Variants in WDFY4 observed in about 807,000 individuals in gnomAD.
WDFY4 encodes the protein WD repeat- and FYVE domain-containing protein 4.
In WDFY4, 169 loss-of-function variants were observed where a neutral mutation model predicts 351.9. That is an observed-to-expected ratio of 0.48 (90% CI 0.42 to 0.55). WDFY4 has a LOEUF of 0.55. Among genes scored for constraint, WDFY4 ranks in the 20% least tolerant of loss-of-function variants. The pLI is 0.00. For missense variants in WDFY4, 3,803 were observed against 3,935.6 expected (o/e 0.97, Z 0.90); for synonymous variants, 1,622 against 1,574.6 (o/e 1.03, Z -0.71).
At chr10:48,715,858 C>T (rs1403352285) in intron 2 of WDFY4, among the ~76,000 whole-genome samples, 2 of 150,168 alleles carry the variant, frequency 1.3e-5, no homozygotes, top group Non-Finnish European at 1.5e-5. Context: ...ACCATGTTAG[C>T]CAGGATGGTC....
intron 4 of WDFY4, among the ~76,000 whole-genome samples, chr10:48,722,700 A>G (rs1010039214): frequency 6.6e-6 from 1 of 152,116 alleles, no homozygotes; most frequent in Non-Finnish European, 1.5e-5. Flanking sequence ...TGCATCATGC[A>G]CACACACACA....
At chr10:48,919,572 A>C (rs1038264262) in intron 47 of WDFY4, among the ~76,000 whole-genome samples, 1 of 152,212 alleles carries the variant, frequency 6.6e-6, no homozygotes, top group Non-Finnish European at 1.5e-5. Flanking sequence ...AGTCCAAATC[A>C]AGTCACTGGC....
intron 33 of WDFY4, 78 bp downstream of exon 33, chr10:48,820,515 C>A: frequency 6.8e-7 from 1 of 1,464,168 alleles, no homozygotes; most frequent in Non-Finnish European, 9.2e-7. Flanking sequence ...CAGGATGCAC[C>A]CAGGGAGACA....
intron 51 of WDFY4, among the ~76,000 whole-genome samples, chr10:48,955,804 G>A (rs1841561029): frequency 6.6e-6 from 1 of 152,200 alleles, no homozygotes; most frequent in African/African-American, 2.4e-5. Flanking sequence ...TAAATGCAGA[G>A]GGAGACCCTC....
intron 13 of WDFY4, among the ~76,000 whole-genome samples, chr10:48,764,418 A>C (rs1274992266): frequency 6.6e-6 from 1 of 152,250 alleles, no homozygotes; most frequent in Non-Finnish European, 1.5e-5. Context: ...AGTCCAGCTC[A>C]GTTCTTTTGG....
intron 35 of WDFY4, chr10:48,824,081 C>G (rs1030929482): frequency 1.0e-6 from 1 of 985,342 alleles, no homozygotes; most frequent in African/African-American, 1.7e-5. Context: ...GATGTATGGA[C>G]CAGTCCATGC....
intron 39 of WDFY4, among the ~76,000 whole-genome samples, chr10:48,853,688 G>A (rs114258248): frequency 6.6e-6 from 1 of 152,206 alleles, no homozygotes; most frequent in African/African-American, 2.4e-5. Context: ...GCTTCTGTTG[G>A]AAAGCTCTCA....
chr10:48,686,774 G>A (rs1441633934), intron 1 of WDFY4, among the ~76,000 whole-genome samples: 1 of 152,086 alleles, frequency 6.6e-6, no homozygotes, highest in Non-Finnish European at 1.5e-5. Flanking sequence ...GGCATTTTAG[G>A]TATTTCAAGA....
chr10:48,836,707 C>G (rs917468378), intron 39 of WDFY4, among the ~76,000 whole-genome samples: 1 of 152,220 alleles, frequency 6.6e-6, no homozygotes. Context: ...CCATCACAGT[C>G]CCCTGTGGGA....
At chr10:48,892,729 GAGTC>G (rs1836876884) in intron 44 of WDFY4, among the ~76,000 whole-genome samples, 1 of 152,214 alleles carries the variant, frequency 6.6e-6, no homozygotes, top group Non-Finnish European at 1.5e-5. Context: ...CTATGGAATT[GAGTC>G]AGTTGCACAT....
At chr10:48,848,134 G>A (rs951818469) in intron 39 of WDFY4, among the ~76,000 whole-genome samples, 3 of 152,080 alleles carry the variant, frequency 2.0e-5, no homozygotes, top group Non-Finnish European at 4.4e-5. Context: ...CCTGAGCCCC[G>A]ACCATAGCTT....
At chr10:48,971,613 T>C (rs538157241) in intron 57 of WDFY4, among the ~76,000 whole-genome samples, 1 of 152,248 alleles carries the variant, frequency 6.6e-6, no homozygotes, top group South Asian at 2.1e-4. Context: ...TCTCTGGGGT[T>C]CTCTGGATAA....
chr10:48,947,464 C>A (rs149726039), intron 51 of WDFY4, among the ~76,000 whole-genome samples: 3 of 152,200 alleles, frequency 2.0e-5, no homozygotes, highest in Non-Finnish European at 4.4e-5. Flanking sequence ...TACCAGCTTA[C>A]GGTCGCCAGG....
intron 43 of WDFY4, chr10:48,884,216 CAG>C (rs926695677): frequency 1.3e-5 from 2 of 152,116 alleles, no homozygotes; most frequent in African/African-American, 4.8e-5. Flanking sequence ...CTCTGGATTG[CAG>C]AGAGTGGCAT....
rs776413146 is a variant in WDFY4, at chr10:48,875,164, CT to C, written c.7000+27del. 4 of 1,313,886 alleles carry C rather than the reference CT, an allele frequency of 3.0e-6. No homozygotes were observed. The South Asian group carries it at 7.8e-5, about 26-fold the overall frequency. 81.4% of individuals were successfully genotyped at this position (1,313,886 alleles called of 1,614,324 possible). ...AGGTATTCAGTTTATCTATTTTTTC[CT>C]TTAATAGTTAAGCTAATTATTGGTT... On this transcript the variant is annotated intron_variant, in intron 42 of 61. Coordinates refer to ENST00000325239, the MANE Select transcript of WDFY4 (RefSeq NM_001394531.1).
chr10:48,929,236 G>A (rs1460224200), intron 47 of WDFY4, among the ~76,000 whole-genome samples: 1 of 151,608 alleles, frequency 6.6e-6, no homozygotes, highest in Non-Finnish European at 1.5e-5. Flanking sequence ...AGAGAAGGAG[G>A]ACAGAGGAAG....
chr10:48,756,108 C>A (rs1231947067), intron 12 of WDFY4, among the ~76,000 whole-genome samples: 1 of 152,028 alleles, frequency 6.6e-6, no homozygotes, highest in Non-Finnish European at 1.5e-5. Context: ...ATCTATAGAT[C>A]AATTTGGAGA....
chr10:48,724,113 A>C (rs1483179349), intron 5 of WDFY4, among the ~76,000 whole-genome samples: 1 of 152,098 alleles, frequency 6.6e-6, no homozygotes, highest in Non-Finnish European at 1.5e-5. Context: ...ACTTCCGGGC[A>C]GTTTCTGCTT....
In WDFY4 at chr10:48,805,441, A is replaced by AG; in HGVS notation, c.4646+25dup. On this transcript the variant is annotated intron_variant, in intron 26 of 61. Transcript: ENST00000325239. ...GCTCAGGTACCACACCAAGCTGCCC[A>AG]GGGGGAAGAGCAGGGCCCCAGGGCT... 6.5e-7 allele frequency: 1 copy of AG among 1,545,346 alleles called. No individual in the cohort carries two copies. Among genetic ancestry groups the AG allele is most frequent in the East Asian group, 2.4e-5 (1 of 40,896 alleles).
Sources: allele counts gnomAD v4.1 joint callset (sites outside exome capture counted in the v4.1 genomes callset), GRCh38; gene constraint gnomAD v4.1.1; transcripts MANE v1.5; gene names NCBI Gene and HGNC (gene_info 2026-07-23, HGNC 2026-07-21).